The following GPCPD1 variants were observed in gnomAD, a reference collection of about 807,000 sequenced individuals.
GPCPD1 encodes glycerophosphocholine phosphodiesterase 1.
A neutral mutation model predicts 89.2 loss-of-function variants in GPCPD1; 29 were observed. The observed-to-expected ratio is 0.33, with a 90% CI of 0.24 to 0.44. The LOEUF (loss-of-function observed/expected upper bound fraction) is 0.44, where lower values mean the gene tolerates loss of function less well. Ranked by LOEUF, GPCPD1 falls within the 20% of genes least tolerant of loss-of-function variation. The pLI is 1.00. For missense variants in GPCPD1, 594 were observed against 808.9 expected (o/e 0.73, Z 3.22); for synonymous variants, 258 against 266.3 (o/e 0.97, Z 0.30).
At chr20:5,573,665 C>T (rs1986846550) in intron 11 of GPCPD1, among the ~76,000 whole-genome samples, 1 of 152,156 alleles carries the variant, frequency 6.6e-6, no homozygotes, top group African/African-American at 2.4e-5. Flanking sequence ...AATGCCTGAG[C>T]CCAGGAGGTT....
chr20:5,604,435 G>A lies in GPCPD1; in HGVS notation c.-23C>T, dbSNP rs768830122. On this transcript the variant is annotated 5_prime_UTR_variant, in exon 2 of 20. Transcript: ENST00000379019. Reference sequence around the variant, plus strand: ...CATTCTGATGGATTTATTTTATGATGTCGTGCTAGGAAAAAAAAGAAAAGT... The same window carrying A: ...CATTCTGATGGATTTATTTTATGATATCGTGCTAGGAAAAAAAAGAAAAGT... The A allele has an allele frequency of 8.0e-6, 12 of 1,502,308 alleles. No homozygotes were observed. In the African/African-American group the frequency reaches 1.5e-4, roughly 19 times the overall value. 93.1% of individuals were successfully genotyped at this position (1,502,308 alleles called of 1,614,324 possible).
intron 10 of GPCPD1, 54 bp from the exon 11 acceptor site, chr20:5,574,023 T>C (rs1978284856): frequency 3.1e-6 from 3 of 960,708 alleles, no homozygotes; most frequent in East Asian, 4.8e-5. Context: ...AAGAAACAAA[T>C]GTAATAAAGA....
intron 18 of GPCPD1, among the ~76,000 whole-genome samples, 169 bp from the exon 19 acceptor site, chr20:5,558,274 T>C (rs906559571): frequency 2.0e-5 from 3 of 152,168 alleles, no homozygotes; most frequent in Non-Finnish European, 4.4e-5. Flanking sequence ...ACTTCATACA[T>C]AAATATATTC....
intron 1 of GPCPD1, among the ~76,000 whole-genome samples, chr20:5,608,826 C>A (rs1027690082): frequency 1.3e-5 from 2 of 152,162 alleles, no homozygotes; most frequent in Non-Finnish European, 2.9e-5. Flanking sequence ...CTATTCTGTA[C>A]TTTTTGAAGA....
intron 19 of GPCPD1, among the ~76,000 whole-genome samples, chr20:5,548,547 T>C (rs765890344): frequency 1.3e-5 from 2 of 152,168 alleles, no homozygotes; most frequent in Non-Finnish European, 2.9e-5. Flanking sequence ...AAGACATATC[T>C]AAGAGAATGA....
chr20:5,567,347 C>T, intron 13 of GPCPD1, 136 bp downstream of exon 13: 1 of 1,078,958 alleles, frequency 9.3e-7, no homozygotes, highest in Admixed American at 3.0e-5. Flanking sequence ...CCAAACAGAA[C>T]AGAATACCAA....
chr20:5,549,802 C>T (rs949192677), intron 19 of GPCPD1, among the ~76,000 whole-genome samples: 12 of 146,350 alleles, frequency 8.2e-5, no homozygotes, highest in African/African-American at 2.5e-4. Context: ...ATAGCATGTT[C>T]ATTAAATGAG....
intron 4 of GPCPD1, among the ~76,000 whole-genome samples, chr20:5,587,457 T>C (rs1412724796): frequency 6.6e-6 from 1 of 151,920 alleles, no homozygotes; most frequent in Non-Finnish European, 1.5e-5. Context: ...CACCCTTGCC[T>C]CCTGGGTTCA....
chr20:5,589,354 G>A (rs1219569777), intron 4 of GPCPD1, among the ~76,000 whole-genome samples: 1 of 152,216 alleles, frequency 6.6e-6, no homozygotes, highest in African/African-American at 2.4e-5. Flanking sequence ...GCTCACGCCT[G>A]TAATCCCAGC....
chr20:5,575,865 A>G lies in GPCPD1; in HGVS notation c.819T>C (p.Thr273=), dbSNP rs775542061. 6 of 1,610,790 alleles carry G rather than the reference A, an allele frequency of 3.7e-6. No individual in the cohort carries two copies. Among genetic ancestry groups the G allele is most frequent in the Admixed American group, 1.7e-5 (1 of 59,976 alleles). Residue 273 remains threonine, a synonymous_variant, in exon 9 of 20, where the codon ACT becomes ACC. Coordinates refer to ENST00000379019, the MANE Select transcript of GPCPD1 (RefSeq NM_019593.5). ...GGGAATTTCTGCTCATGATGGGAAG[A>G]GTAAGAATTCCAGCACTCTTTCCAC... The part of the protein sequence containing the change: ...AESGKSAGIL[T]LPIMSRNSRK...
chr20:5,596,364 C>T (rs1010952849), intron 3 of GPCPD1, among the ~76,000 whole-genome samples: 3 of 151,992 alleles, frequency 2.0e-5, no homozygotes, highest in Admixed American at 6.6e-5. Flanking sequence ...CGCACTCCAG[C>T]CTGTGTGACA....
chr20:5,557,916 C>T, intron 19 of GPCPD1, 29 bp downstream of exon 19: 1 of 1,275,622 alleles, frequency 7.8e-7, no homozygotes, highest in Non-Finnish European at 1.1e-6. Flanking sequence ...TTCTAAATTC[C>T]ATGAAAATTT....
chr20:5,574,841 T>A (rs889773196), intron 10 of GPCPD1, among the ~76,000 whole-genome samples: 2 of 152,188 alleles, frequency 1.3e-5, no homozygotes, highest in African/African-American at 4.8e-5. Flanking sequence ...CTCCACAGCA[T>A]CACTTTAAAA....
At chr20:5,567,064 A>G (rs1189121749) in intron 13 of GPCPD1, among the ~76,000 whole-genome samples, 2 of 152,234 alleles carry the variant, frequency 1.3e-5, no homozygotes, top group Non-Finnish European at 2.9e-5. Context: ...AAGAGGTACC[A>G]TGTAAAATTA....
chr20:5,595,533 C>T (rs1212445847), intron 3 of GPCPD1, among the ~76,000 whole-genome samples: 1 of 152,024 alleles, frequency 6.6e-6, no homozygotes, highest in Non-Finnish European at 1.5e-5. Flanking sequence ...CCCAGCTACT[C>T]AGGAGGCTGA....
chr20:5,561,829 T>C (rs1329357626), intron 15 of GPCPD1, among the ~76,000 whole-genome samples: 5 of 152,192 alleles, frequency 3.3e-5, no homozygotes. Context: ...CCATTACTAG[T>C]AAACATCCAA....
intron 19 of GPCPD1, chr20:5,548,880 T>G (rs1985198720): frequency 9.8e-7 from 1 of 1,016,818 alleles, no homozygotes; most frequent in Non-Finnish European, 1.4e-6. Flanking sequence ...AATCCCCCTG[T>G]GAAGAGGAGA....
intron 19 of GPCPD1, among the ~76,000 whole-genome samples, chr20:5,553,217 A>G (rs1985535204): frequency 6.6e-6 from 1 of 152,168 alleles, no homozygotes; most frequent in Non-Finnish European, 1.5e-5. Flanking sequence ...TTCAAAGTTC[A>G]TTATGATTCT....
chr20:5,565,129 T>G (rs1162991315), intron 14 of GPCPD1, 51 bp from the exon 15 acceptor site: 1 of 907,996 alleles, frequency 1.1e-6, no homozygotes, highest in Non-Finnish European at 1.8e-6. Flanking sequence ...ACTATATCAC[T>G]AAGAGCTTTC....
Sources: allele counts gnomAD v4.1 joint callset (sites outside exome capture counted in the v4.1 genomes callset), GRCh38; gene constraint gnomAD v4.1.1; transcripts MANE v1.5; gene names NCBI Gene and HGNC (gene_info 2026-07-23, HGNC 2026-07-21).